The following MAN2A2 variants were observed in gnomAD, a reference collection of about 807,000 sequenced individuals.
MAN2A2 encodes the protein alpha-mannosidase 2x.
Under a neutral mutation model 126.8 loss-of-function variants are expected in MAN2A2, and 79 were observed. The ratio of observed to expected loss-of-function variants is 0.62; its 90% confidence interval spans 0.52 to 0.75. The LOEUF is 0.75. Among genes scored for constraint, MAN2A2 ranks in the 30% least tolerant of loss-of-function variants. The pLI, the probability that MAN2A2 is intolerant of heterozygous loss-of-function variation, is 0.00. For synonymous variants in MAN2A2, 671 were observed against 618.7 expected, an observed-to-expected ratio of 1.08 and a Z score of -1.25; for missense variants, 1,392 against 1,522.4, an observed-to-expected ratio of 0.91 and a Z score of 1.43.
In MAN2A2 at chr15:90,912,526, C is replaced by G. The variant is rs1249822579; in HGVS notation, c.2347-16C>G. The G allele has an allele frequency of 6.2e-7, 1 of 1,612,400 alleles. No individual in the cohort carries two copies. The highest frequency in any genetic ancestry group is 1.7e-5 in the Admixed American group (1 of 59,790). On this transcript the variant is annotated splice_polypyrimidine_tract_variant and intron_variant, in intron 15 of 22. Coordinates refer to ENST00000559717, the MANE Select transcript of MAN2A2 (RefSeq NM_006122.4). ...GCTGGTGTGGGGCCAGGGGTCAGGG[C>G]TGTGTTTTTTGGCAGAGCATCCGAA...
At chr15:90,918,427 C>T (rs926215163) in intron 21 of MAN2A2, 39 bp downstream of exon 21, 2 of 1,588,132 alleles carry the variant, frequency 1.3e-6, no homozygotes, top group Non-Finnish European at 1.7e-6. Context: ...GAGCAGAGTT[C>T]TGATGGTGTC....
chr15:90,904,612 C>T (rs538880839), intron 2 of MAN2A2, among the ~76,000 whole-genome samples: 10 of 148,470 alleles, frequency 6.7e-5, no homozygotes, highest in African/African-American at 2.5e-4. Flanking sequence ...TTTTTTGAGA[C>T]AGAGTCTCGC....
At position 90,905,858 on chromosome 15, in the gene MAN2A2, C is replaced by A. The variant is rs1212214124; in HGVS notation, c.549C>A (p.Thr183=). The change falls in exon 5 of 23, where the codon ACC becomes ACA. Residue 183 remains threonine, a synonymous_variant. Coordinates refer to ENST00000559717, the MANE Select transcript of MAN2A2 (RefSeq NM_006122.4). ...HSHNDPGWIK[T]FDKYYTEQTQ... ...TTGGCTCCCTAGGCTGGATCAAGAC[C>A]TTTGACAAGTACTACACAGAGCAGA... The A allele has an allele frequency of 1.3e-6, 2 of 1,577,330 alleles. No individual in the cohort carries two copies. The highest frequency in any genetic ancestry group is 1.7e-6 in the Non-Finnish European group (2 of 1,161,312).
intron 12 of MAN2A2, 93 bp downstream of exon 12, chr15:90,911,054 T>G: frequency 6.8e-7 from 1 of 1,475,888 alleles, no homozygotes; most frequent in Admixed American, 1.8e-5. Flanking sequence ...CTCTTTTTCC[T>G]TCCCCATCCG....
chr15:90,902,488 C>G (rs1476345711), upstream of MAN2A2: 1 of 152,230 alleles, frequency 6.6e-6, no homozygotes, highest in Non-Finnish European at 1.5e-5. Context: ...GAGACGGAGG[C>G]GGGCGTTTCG....
At chr15:90,911,033 G>A (rs1334283704) in intron 12 of MAN2A2, 72 bp downstream of exon 12, 2 of 1,494,596 alleles carry the variant, frequency 1.3e-6, no homozygotes, top group African/African-American at 2.8e-5. Flanking sequence ...TGCTGGATGG[G>A]GGTGCCGCTT....
chr15:90,909,400 G>A lies in MAN2A2; in HGVS notation c.1270G>A (p.Gly424Arg). Residue 424 changes from glycine to arginine, a missense_variant, in exon 9 of 23, where the codon GGA becomes AGA. By Grantham distance (125) the Gly-to-Arg change is moderately radical (BLOSUM62 -2). Coordinates refer to ENST00000559717, the MANE Select transcript of MAN2A2 (RefSeq NM_006122.4). ...AAGCAACGTCCTCCTGGTGCCTCTTGGAGATGACTTCCGATATGACAAGCC... is the reference window on the plus strand; with the variant it reads ...AAGCAACGTCCTCCTGGTGCCTCTTAGAGATGACTTCCGATATGACAAGCC... ...FRSNVLLVPL[G>R]DDFRYDKPQE... is the part of the protein sequence containing the mutation. 1 of 1,614,124 alleles carries A rather than the reference G, an allele frequency of 6.2e-7. No homozygotes were observed.
At chr15:90,911,607 C>A in intron 14 of MAN2A2, 57 bp downstream of exon 14, 1 of 1,517,420 alleles carries the variant, frequency 6.6e-7, no homozygotes, top group South Asian at 1.2e-5. Flanking sequence ...GGCCCCTCCC[C>A]GCCCGGCGAC....
At chr15:90,906,296 G>T (rs2034277788) in intron 5 of MAN2A2, 74 bp from the exon 6 acceptor site, 1 of 1,590,372 alleles carries the variant, frequency 6.3e-7, no homozygotes, top group Non-Finnish European at 8.6e-7. Context: ...GTGCACACAG[G>T]CCCTGACATT....
chr15:90,907,538 G>T, intron 8 of MAN2A2, 43 bp downstream of exon 8: 1 of 1,578,908 alleles, frequency 6.3e-7, no homozygotes, highest in Non-Finnish European at 8.6e-7. Flanking sequence ...GAATCGGGAG[G>T]CCTGGCTCTG....
upstream of MAN2A2, chr15:90,902,828 A>C (rs2151283810): frequency 6.9e-6 from 1 of 145,510 alleles, no homozygotes; most frequent in South Asian, 2.1e-4. Context: ...GGAGCGCGGC[A>C]GCGGCGCGCG....
intron 12 of MAN2A2, 102 bp downstream of exon 12, chr15:90,911,063 C>T (rs948442993): frequency 2.3e-5 from 34 of 1,478,976 alleles, no homozygotes; most frequent in Admixed American, 7.1e-5. Flanking sequence ...CTTCCCCATC[C>T]GGATGAGTTC....
intron 9 of MAN2A2, 23 bp downstream of exon 9, chr15:90,909,527 G>A: frequency 6.3e-7 from 1 of 1,599,328 alleles, no homozygotes; most frequent in Non-Finnish European, 8.6e-7. Context: ...CTTGACTGGG[G>A]AGGGGCCTCA....
chr15:90,907,058 G>A (rs1479436313), intron 7 of MAN2A2, 145 bp downstream of exon 7: 1 of 1,086,902 alleles, frequency 9.2e-7, no homozygotes, highest in Admixed American at 2.2e-5. Flanking sequence ...GCACCCTCTG[G>A]TTAGGGGAGG....
intron 15 of MAN2A2, 80 bp from the exon 16 acceptor site, chr15:90,912,462 G>A: frequency 6.3e-7 from 1 of 1,596,812 alleles, no homozygotes; most frequent in Non-Finnish European, 8.5e-7. Context: ...GCTCCTTGGG[G>A]AAGCTATTCC....
At chr15:90,913,234 T>G in intron 17 of MAN2A2, 39 bp from the exon 18 acceptor site, 1 of 1,608,436 alleles carries the variant, frequency 6.2e-7, no homozygotes, top group East Asian at 2.2e-5. Context: ...TGCTTCAGCC[T>G]CACACCTGTC....
chr15:90,907,292 T>C lies in MAN2A2; in HGVS notation c.1010-17T>C. 6.2e-7 allele frequency: 1 copy of C among 1,609,138 alleles called. No individual in the cohort carries two copies. Among genetic ancestry groups the C allele is most frequent in the Non-Finnish European group, 8.5e-7 (1 of 1,176,346 alleles). ...AGGCTGCCTGCTGGTGGTGACCACG[T>C]GGTGTGTCTCCTGCAGACTCGGACT... On this transcript the variant is annotated splice_polypyrimidine_tract_variant and intron_variant, in intron 7 of 22. Coordinates refer to ENST00000559717, the MANE Select transcript of MAN2A2 (RefSeq NM_006122.4).
chr15:90,914,149 C>T (rs540167535), intron 19 of MAN2A2, among the ~76,000 whole-genome samples: 3 of 152,192 alleles, frequency 2.0e-5, no homozygotes, highest in Non-Finnish European at 4.4e-5. Flanking sequence ...GGCAACAAAG[C>T]GAGACCCAGG....
rs138813579 is a variant in MAN2A2, at chr15:90,906,809, G to A, written c.905G>A (p.Arg302His). 2.4e-5 allele frequency: 39 copies of A among 1,613,860 alleles called. No homozygotes were observed. The highest frequency in any genetic ancestry group is 1.1e-4 in the African/African-American group (8 of 74,906). Residue 302 changes from arginine to histidine, a missense_variant, in exon 7 of 23, where the codon CGC becomes CAC. By Grantham distance (29) the Arg-to-His change is conservative (BLOSUM62 0). Transcript: ENST00000559717. ...GYSSTMPYLL[R>H]RANLTSMLIQ... ...AGCTCCACCATGCCTTACCTGCTGC[G>A]CCGTGCCAACCTCACCAGCATGCTG...
Sources: allele counts gnomAD v4.1 joint callset (sites outside exome capture counted in the v4.1 genomes callset), GRCh38; gene constraint gnomAD v4.1.1; transcripts MANE v1.5; gene names NCBI Gene and HGNC (gene_info 2026-07-23, HGNC 2026-07-21).